Variants in STRN3 observed in about 807,000 individuals in gnomAD.
STRN3 encodes striatin-3.
STRN3 carries 29 observed loss-of-function variants against 95.6 expected under a neutral mutation model. The observed-to-expected ratio is 0.30, with a 90% CI of 0.23 to 0.41. STRN3 has a LOEUF of 0.41. Among genes scored for constraint, STRN3 ranks in the 10% least tolerant of loss-of-function variants. STRN3 has a pLI of 1.00. For missense variants in STRN3, 890 were observed against 972.1 expected, an observed-to-expected ratio of 0.92 and a Z score of 1.12; for synonymous variants, 331 against 357.6, an observed-to-expected ratio of 0.93 and a Z score of 0.84.
chr14:30,976,623 T>C (rs1188555477), intron 1 of STRN3, among the ~76,000 whole-genome samples: 2 of 152,232 alleles, frequency 1.3e-5, no homozygotes, highest in African/African-American at 4.8e-5. Context: ...TTTTGGACCA[T>C]AAAACCCATC....
intron 15 of STRN3, 137 bp downstream of exon 15, chr14:30,905,281 A>G (rs953605884): frequency 8.5e-6 from 8 of 944,206 alleles, no homozygotes; most frequent in Non-Finnish European, 1.2e-5. Context: ...ATAAATAAGT[A>G]TAACTGTAAC....
At chr14:30,992,173 G>T (rs1053600407) in intron 1 of STRN3, among the ~76,000 whole-genome samples, 3 of 151,940 alleles carry the variant, frequency 2.0e-5, no homozygotes, top group Non-Finnish European at 2.9e-5. Flanking sequence ...ACTTTCGGAG[G>T]CTGAGGCGGG....
In STRN3 at chr14:30,918,974, G is replaced by A. The variant is rs1473388792; in HGVS notation, c.1232C>T (p.Ala411Val). ...GTAGCTAAATTTTGTACCTTCCTCT[G>A]CTCTTGCACCTTCATGATCAGTCAT... ...TRMTDHEGARAEEAEPITFPS... is the reference protein window; with the variant it reads ...TRMTDHEGARVEEAEPITFPS... Residue 411 changes from alanine to valine, a missense_variant, in exon 9 of 18, where the codon GCA (alanine) becomes GTA (valine). Coordinates refer to ENST00000357479, the MANE Select transcript of STRN3 (RefSeq NM_001083893.2). The A allele has an allele frequency of 3.8e-6, 6 of 1,580,870 alleles. No individual in the cohort carries two copies. The highest frequency in any genetic ancestry group is 3.5e-5 in the Admixed American group (2 of 56,540).
At chr14:30,972,246 T>A (rs1880869596) in intron 1 of STRN3, among the ~76,000 whole-genome samples, 1 of 151,768 alleles carries the variant, frequency 6.6e-6, no homozygotes, top group Admixed American at 6.6e-5. Context: ...CCACCCTAAC[T>A]CATTCCAATT....
intron 1 of STRN3, among the ~76,000 whole-genome samples, chr14:30,974,319 C>T (rs1880979242): frequency 6.6e-6 from 1 of 151,924 alleles, no homozygotes; most frequent in Admixed American, 6.6e-5. Context: ...GAAAACAATT[C>T]CATTCACAAT....
intron 8 of STRN3, among the ~76,000 whole-genome samples, chr14:30,920,134 G>A (rs1386127982): frequency 2.0e-5 from 3 of 151,982 alleles, no homozygotes; most frequent in African/African-American, 7.3e-5. Flanking sequence ...GAACTATTAC[G>A]CATCTATGTA....
chr14:30,994,933 T>C (rs560191241), intron 1 of STRN3, among the ~76,000 whole-genome samples: 1 of 152,358 alleles, frequency 6.6e-6, no homozygotes, highest in East Asian at 1.9e-4. Flanking sequence ...AGTATTTACT[T>C]GGCATCACTA....
intron 1 of STRN3, among the ~76,000 whole-genome samples, chr14:30,981,254 G>A (rs367648256): frequency 2.6e-5 from 4 of 152,000 alleles, no homozygotes; most frequent in Non-Finnish European, 4.4e-5. Context: ...GTTGGAGACC[G>A]AGGGAACTAT....
At chr14:30,930,045 T>A (rs981012601) in intron 7 of STRN3, among the ~76,000 whole-genome samples, 1 of 144,564 alleles carries the variant, frequency 6.9e-6, no homozygotes, top group Non-Finnish European at 1.5e-5. Flanking sequence ...GTGATCAGCA[T>A]GGAGAAGTGA....
intron 3 of STRN3, among the ~76,000 whole-genome samples, chr14:30,951,286 A>C (rs1238060171): frequency 6.6e-6 from 1 of 151,976 alleles, no homozygotes; most frequent in East Asian, 1.9e-4. Flanking sequence ...CCCAGCCTGG[A>C]GTACAGTGGC....
chr14:30,959,799 C>T (rs1460506390), intron 1 of STRN3, among the ~76,000 whole-genome samples: 3 of 151,134 alleles, frequency 2.0e-5, no homozygotes, highest in African/African-American at 4.9e-5. Context: ...ATCTCCAAAA[C>T]TATAACAGAT....
intron 1 of STRN3, among the ~76,000 whole-genome samples, chr14:30,986,153 T>C (rs1303962854): frequency 2.0e-5 from 3 of 152,198 alleles, no homozygotes; most frequent in Middle Eastern, 3.2e-3. Context: ...TTACCTTCCA[T>C]TTGGAAAACA....
intron 1 of STRN3, among the ~76,000 whole-genome samples, chr14:30,956,813 A>G (rs1464169764): frequency 2.6e-5 from 4 of 152,264 alleles, no homozygotes; most frequent in Non-Finnish European, 5.9e-5. Context: ...AGAAAATGAC[A>G]TATTATTTCA....
intron 8 of STRN3, among the ~76,000 whole-genome samples, chr14:30,920,347 T>A (rs547598917): frequency 6.6e-6 from 1 of 152,110 alleles, no homozygotes; most frequent in Non-Finnish European, 1.5e-5. Context: ...ACCTGAGGAT[T>A]TCCCCCCCAC....
rs1896114014 is a variant in STRN3 at position 30,895,393 on chromosome 14, A to G, written c.*18T>C. 6.3e-7 allele frequency: 1 copy of G among 1,584,910 alleles called. No individual in the cohort carries two copies. On this transcript the variant is annotated 3_prime_UTR_variant, in exon 18 of 18. Coordinates refer to ENST00000357479, the MANE Select transcript of STRN3 (RefSeq NM_001083893.2). ...TTCTGTCCAAGCAAATCTTGTTACG[A>G]TGCAAGTTTTTGTTGATTCATACAA...
At chr14:30,949,647 G>A (rs1232920736) in intron 4 of STRN3, among the ~76,000 whole-genome samples, 6 of 151,514 alleles carry the variant, frequency 4.0e-5, no homozygotes, top group Non-Finnish European at 8.8e-5. Flanking sequence ...TTGTGCCACT[G>A]CACTCCGGCC....
At chr14:31,002,813 A>G (rs2139295524) in intron 1 of STRN3, among the ~76,000 whole-genome samples, 1 of 152,196 alleles carries the variant, frequency 6.6e-6, no homozygotes, top group East Asian at 1.9e-4. Flanking sequence ...AAAGTAGTAG[A>G]ATGGTGGTTT....
At chr14:30,956,974 C>A (rs1406966681) in intron 1 of STRN3, among the ~76,000 whole-genome samples, 1 of 151,900 alleles carries the variant, frequency 6.6e-6, no homozygotes, top group Non-Finnish European at 1.5e-5. Context: ...GCCTGGCCAA[C>A]ATGGTGAAAC....
chr14:30,946,997 A>AAAT, intron 5 of STRN3, 93 bp downstream of exon 5: 1 of 859,182 alleles, frequency 1.2e-6, no homozygotes, highest in Non-Finnish European at 1.6e-6. Flanking sequence ...AAAAAAAAAA[A>AAAT]GTTCTTAATG....
Sources: gnomAD v4.1 joint callset for allele counts (sites outside exome capture counted in the v4.1 genomes callset) on GRCh38, gnomAD v4.1.1 for gene constraint, MANE v1.5 for transcripts, NCBI Gene and HGNC (gene_info 2026-07-23, HGNC 2026-07-21) for gene names.